Variants in IGF1R observed in about 807,000 individuals in gnomAD.
The protein encoded by IGF1R is insulin like growth factor 1 receptor, also known as insulin-like growth factor 1 receptor.
Under a neutral mutation model 144.6 loss-of-function variants are expected in IGF1R, and 44 were observed. The ratio of observed to expected loss-of-function variants is 0.30; its 90% confidence interval spans 0.24 to 0.39. The LOEUF is 0.39. Ranked by LOEUF, IGF1R falls within the 10% of genes least tolerant of loss-of-function variation. IGF1R has a pLI of 1.00. For missense variants in IGF1R, 1,355 were observed against 1,833.7 expected (o/e 0.74, Z 4.77); for synonymous variants, 795 against 722.8 (o/e 1.10, Z -1.60).
rs539374379 is a variant in IGF1R at position 98,855,226 on chromosome 15, G to A, written c.641-36099G>A. 2.6e-5 allele frequency among the ~76,000 whole-genome samples: 4 copies of A among 152,268 alleles called. No homozygotes were observed. The South Asian group carries it at 8.3e-4, about 32-fold the overall frequency. On this transcript the variant is annotated intron_variant, in intron 2 of 20. Transcript: ENST00000650285. The stretch of plus-strand genomic sequence containing the variant: ...AGAGTGAGGACAGTCTCATTTAATG[G>A]CACCATGGTCTGTGGAGCCAGGCAG...
intron 2 of IGF1R, among the ~76,000 whole-genome samples, chr15:98,750,030 G>C (rs1020434467): frequency 6.6e-6 from 1 of 152,102 alleles, no homozygotes; most frequent in African/African-American, 2.4e-5. Context: ...ACCTCTAAGG[G>C]ATATGAAGCT....
At chr15:98,763,895 G>A (rs1387034799) in intron 2 of IGF1R, among the ~76,000 whole-genome samples, 27 of 152,180 alleles carry the variant, frequency 1.8e-4, no homozygotes, top group Non-Finnish European at 1.2e-4. Flanking sequence ...CATGTATGTG[G>A]CTTTCAGTGG....
chr15:98,850,278 A>G (rs1379072657), intron 2 of IGF1R, among the ~76,000 whole-genome samples: 3 of 152,194 alleles, frequency 2.0e-5, no homozygotes, highest in Non-Finnish European at 4.4e-5. Context: ...GGAGACCTGA[A>G]TGAAGGTTGA....
rs575428671 is a variant in IGF1R at position 98,806,429 on chromosome 15, T to G, written c.641-84896T>G. 2.6e-5 allele frequency among the ~76,000 whole-genome samples: 4 copies of G among 152,294 alleles called. No individual in the cohort carries two copies. In the East Asian group the frequency reaches 7.7e-4, roughly 29 times the overall value. ...AGCCTCCCTTGTCATGTCCCACCTC[T>G]GCTGGCATCTGTGGGCTTAAAGTGC... is the stretch of plus-strand genomic sequence containing the variant. On this transcript the variant is annotated intron_variant, in intron 2 of 20. Coordinates refer to ENST00000650285, the MANE Select transcript of IGF1R (RefSeq NM_000875.5).
chr15:98,685,947 C>G (rs763820343), intron 1 of IGF1R, among the ~76,000 whole-genome samples: 5 of 152,222 alleles, frequency 3.3e-5, no homozygotes, highest in African/African-American at 1.2e-4. Flanking sequence ...GCATTAAGTA[C>G]ATTCATATTG....
intron 2 of IGF1R, among the ~76,000 whole-genome samples, chr15:98,777,285 G>A (rs946221792): frequency 2.2e-4 from 34 of 152,216 alleles, no homozygotes; most frequent in African/African-American, 6.8e-4. Context: ...TGGGCCATCC[G>A]TTAATTCATG....
At chr15:98,727,354 A>G (rs2054385719) in intron 2 of IGF1R, among the ~76,000 whole-genome samples, 1 of 152,206 alleles carries the variant, frequency 6.6e-6, no homozygotes, top group Admixed American at 6.5e-5. Flanking sequence ...GCTCTTGGAA[A>G]GTGATTGGGC....
intron 1 of IGF1R, among the ~76,000 whole-genome samples, chr15:98,676,364 C>T (rs1481496678): frequency 1.3e-5 from 2 of 152,010 alleles, no homozygotes; most frequent in African/African-American, 2.4e-5. Context: ...TCTTGAAATC[C>T]TGACCTTGCG....
At chr15:98,771,572 GT>G (rs1306632245) in intron 2 of IGF1R, among the ~76,000 whole-genome samples, 1 of 152,194 alleles carries the variant, frequency 6.6e-6, no homozygotes, top group Admixed American at 6.5e-5. Context: ...AGGTGAGGCA[GT>G]TGATCTGGTC....
rs537084637 is a variant in IGF1R, at chr15:98,860,020, A to G, written c.641-31305A>G. Among the ~76,000 whole-genome samples, 440 of 152,168 alleles carry G rather than the reference A, an allele frequency of 2.9e-3. 1 individual carries two copies. Among genetic ancestry groups the G allele is most frequent in the African/African-American group, 9.8e-3 (408 of 41,504 alleles). On this transcript the variant is annotated intron_variant, in intron 2 of 20. Coordinates refer to ENST00000650285, the MANE Select transcript of IGF1R (RefSeq NM_000875.5). The stretch of plus-strand genomic sequence containing the variant: ...AACCTTCACCTCCCGGGTTCAAGCA[A>G]TTCTCCTGCCTCAGCCTCCCGAGTA...
Position 98,961,566 on chromosome 15 carries a change from C to T in IGF1R, c.*4124C>T, listed in dbSNP as rs1464602117. The T allele has an allele frequency of 4.3e-6, 1 of 233,644 alleles. No individual in the cohort carries two copies. The highest frequency in any genetic ancestry group is 8.5e-6 in the Non-Finnish European group (1 of 118,078). The allele number at this position is 233,644 out of a possible 1,614,324, so 14.5% of individuals were successfully genotyped here. A position where few individuals can be genotyped will look rare whatever the true frequency, so the allele number is the denominator to read the frequency against. ...TCTGTGTGTTCCAAATAATCTTAAGCTGAGTTGTGGCATTTTCCATGCAAC... is the reference window on the plus strand; with the variant it reads ...TCTGTGTGTTCCAAATAATCTTAAGTTGAGTTGTGGCATTTTCCATGCAAC... On this transcript the variant is annotated 3_prime_UTR_variant, in exon 21 of 21. Transcript: ENST00000650285.
intron 1 of IGF1R, among the ~76,000 whole-genome samples, chr15:98,667,037 C>CG: frequency 6.6e-6 from 1 of 151,600 alleles, no homozygotes. Context: ...GGGATCACTG[C>CG]GGGGGAACTG....
At chr15:98,711,955 C>T (rs763101521) in intron 2 of IGF1R, among the ~76,000 whole-genome samples, 2 of 152,118 alleles carry the variant, frequency 1.3e-5, no homozygotes, top group Admixed American at 6.6e-5. Flanking sequence ...TTGGAAGGGG[C>T]GAGGGATTTT....
chr15:98,670,163 T>G (rs1184572808), intron 1 of IGF1R, among the ~76,000 whole-genome samples: 1 of 152,112 alleles, frequency 6.6e-6, no homozygotes, highest in Non-Finnish European at 1.5e-5. Flanking sequence ...CTTGAGAAGA[T>G]AAGGTGTGCC....
rs2151745183 is a variant in IGF1R at position 98,961,193 on chromosome 15, G to GA, written c.*3752dup. 3 of 233,622 alleles carry GA rather than the reference G, an allele frequency of 1.3e-5. No individual in the cohort carries two copies. The Admixed American group carries it at 1.7e-4, about 13-fold the overall frequency. 14.5% of individuals were successfully genotyped at this position (233,622 alleles called of 1,614,324 possible). A position where few individuals can be genotyped will look rare whatever the true frequency, so the allele number is the denominator to read the frequency against. The stretch of plus-strand genomic sequence containing the variant: ...GGTTTTGTTCTTCCACACTGTAGGT[G>GA]ACCCCTTGGAATAACGGCCTCTCCT... On this transcript the variant is annotated 3_prime_UTR_variant, in exon 21 of 21. Transcript: ENST00000650285.
chr15:98,682,259 A>T (rs1335372538), intron 1 of IGF1R, among the ~76,000 whole-genome samples: 2 of 152,066 alleles, frequency 1.3e-5, no homozygotes, highest in Non-Finnish European at 2.9e-5. Flanking sequence ...TTCCAGGAGG[A>T]GCTGGGAAGG....
intron 17 of IGF1R, among the ~76,000 whole-genome samples, chr15:98,936,116 C>G (rs1356931503): frequency 6.6e-6 from 1 of 152,200 alleles, no homozygotes; most frequent in African/African-American, 2.4e-5. Flanking sequence ...GTTGGCGGTC[C>G]TTGTCTTTGC....
intron 13 of IGF1R, among the ~76,000 whole-genome samples, chr15:98,927,954 G>A (rs1025294901): frequency 1.3e-5 from 2 of 152,124 alleles, no homozygotes; most frequent in African/African-American, 2.4e-5. Flanking sequence ...AATCACAGTT[G>A]TTGCCCTCGA....
chr15:98,760,598 C>A (rs749325805), intron 2 of IGF1R, among the ~76,000 whole-genome samples: 1 of 152,154 alleles, frequency 6.6e-6, no homozygotes. Flanking sequence ...CATGTCGCTG[C>A]GGCATTGCAG....
Sources: allele counts gnomAD v4.1 joint callset (sites outside exome capture counted in the v4.1 genomes callset), GRCh38; gene constraint gnomAD v4.1.1; transcripts MANE v1.5; gene names NCBI Gene and HGNC (gene_info 2026-07-23, HGNC 2026-07-21).